ZSWIM6: variants seen among roughly 807,000 people sequenced by gnomAD.
ZSWIM6 encodes zinc finger SWIM domain-containing protein 6.
In ZSWIM6, 9 loss-of-function variants were observed where a neutral mutation model predicts 113.2. That is an observed-to-expected ratio of 0.08 (90% confidence interval 0.05 to 0.14). The LOEUF (loss-of-function observed/expected upper bound fraction) is 0.14, where lower values mean the gene tolerates loss of function less well. Ranked by LOEUF, ZSWIM6 falls within the 10% of genes least tolerant of loss-of-function variation. The probability of loss-of-function intolerance (pLI) is 1.00; values close to 1 mark genes in which losing one functional copy is unlikely to be tolerated. For missense variants in ZSWIM6, 1,162 were observed against 1,552.2 expected, an observed-to-expected ratio of 0.75 and a Z score of 4.22; for synonymous variants, 611 against 606.5, an observed-to-expected ratio of 1.01 and a Z score of -0.11.
intron 1 of ZSWIM6, among the ~76,000 whole-genome samples, chr5:61,439,748 G>A (rs1387894108): frequency 6.6e-6 from 1 of 152,090 alleles, no homozygotes; most frequent in Non-Finnish European, 1.5e-5. Flanking sequence ...TATATATCTA[G>A]GAATGGAATC....
chr5:61,539,817 T>TAG, intron 12 of ZSWIM6, 58 bp downstream of exon 12: 1 of 1,476,054 alleles, frequency 6.8e-7, no homozygotes, highest in Non-Finnish European at 9.0e-7. Context: ...AGGCACCTCT[T>TAG]AGGGTTGTTT....
At chr5:61,375,813 G>T in intron 1 of ZSWIM6, 1 of 1,234,478 alleles carries the variant, frequency 8.1e-7, no homozygotes, top group Middle Eastern at 2.7e-4. Flanking sequence ...ACAGTAAGAA[G>T]AAGAAAAAGA....
At chr5:61,335,486 A>G (rs1744372699) in intron 1 of ZSWIM6, among the ~76,000 whole-genome samples, 1 of 152,238 alleles carries the variant, frequency 6.6e-6, no homozygotes, top group South Asian at 2.1e-4. Context: ...GGCTAGATTA[A>G]CCATTTAATT....
chr5:61,443,763 C>T (rs925796726), intron 1 of ZSWIM6, among the ~76,000 whole-genome samples: 14 of 152,220 alleles, frequency 9.2e-5, no homozygotes, highest in African/African-American at 3.1e-4. Flanking sequence ...CTCCTTCCTA[C>T]ATTTTTTCCC....
At chr5:61,373,577 T>A (rs1439679257) in intron 1 of ZSWIM6, among the ~76,000 whole-genome samples, 1 of 152,160 alleles carries the variant, frequency 6.6e-6, no homozygotes, top group Non-Finnish European at 1.5e-5. Context: ...ACTTATTTTC[T>A]CTATTTCCAC....
chr5:61,498,048 GC>G (rs1247677202), intron 4 of ZSWIM6, among the ~76,000 whole-genome samples: 1 of 152,048 alleles, frequency 6.6e-6, no homozygotes, highest in African/African-American at 2.4e-5. Flanking sequence ...TGTGTTGATG[GC>G]TCTCTTTTCT....
At chr5:61,383,924 A>G (rs1745538669) in intron 1 of ZSWIM6, among the ~76,000 whole-genome samples, 1 of 151,716 alleles carries the variant, frequency 6.6e-6, no homozygotes, top group South Asian at 2.1e-4. Flanking sequence ...AAAACAAAAA[A>G]CTTATGCTAA....
intron 1 of ZSWIM6, among the ~76,000 whole-genome samples, chr5:61,413,639 A>G (rs1463669088): frequency 5.9e-5 from 9 of 152,146 alleles, no homozygotes; most frequent in Non-Finnish European, 1.3e-4. Context: ...AGTCCCACCA[A>G]CAGTGTAAAA....
chr5:61,418,257 G>GATTT (rs983217555), intron 1 of ZSWIM6, among the ~76,000 whole-genome samples: 49 of 152,094 alleles, frequency 3.2e-4, no homozygotes, highest in East Asian at 2.3e-3. Flanking sequence ...ACTAGTCTAT[G>GATTT]ATTTATTTAT....
intron 12 of ZSWIM6, among the ~76,000 whole-genome samples, chr5:61,540,920 T>G (rs1287990420): frequency 9.7e-6 from 1 of 103,384 alleles, no homozygotes; most frequent in Admixed American, 9.7e-5. Flanking sequence ...TTGTGGGTTT[T>G]TTTTTTTTTT....
At chr5:61,411,603 A>G (rs966747882) in intron 1 of ZSWIM6, among the ~76,000 whole-genome samples, 1 of 152,238 alleles carries the variant, frequency 6.6e-6, no homozygotes, top group Non-Finnish European at 1.5e-5. Context: ...TTTAACCAGT[A>G]GCTTATAAAC....
intron 1 of ZSWIM6, among the ~76,000 whole-genome samples, chr5:61,442,652 C>G (rs947056892): frequency 6.6e-6 from 1 of 152,206 alleles, no homozygotes; most frequent in Non-Finnish European, 1.5e-5. Flanking sequence ...TTGCTGGAAC[C>G]TATCACAAGG....
chr5:61,423,203 T>G (rs1056116764), intron 1 of ZSWIM6, among the ~76,000 whole-genome samples: 2 of 152,000 alleles, frequency 1.3e-5, no homozygotes, highest in African/African-American at 4.8e-5. Context: ...GGTCAGGAGT[T>G]TGAGACCAGC....
At chr5:61,505,599 TTACC>T (rs1371975487) in intron 4 of ZSWIM6, among the ~76,000 whole-genome samples, 12,200 of 119,796 alleles carry the variant, frequency 0.1, 2,634 homozygotes, top group Non-Finnish European at 0.11. Context: ...TATCTATGAT[TTACC>T]TTCCTTCCTT....
intron 1 of ZSWIM6, among the ~76,000 whole-genome samples, chr5:61,444,257 T>C (rs937757290): frequency 5.9e-5 from 9 of 151,860 alleles, no homozygotes; most frequent in Non-Finnish European, 1.3e-4. Context: ...TTCATCCATG[T>C]CCCTACAAAG....
intron 1 of ZSWIM6, among the ~76,000 whole-genome samples, chr5:61,427,741 A>G (rs1013243704): frequency 3.9e-5 from 6 of 151,998 alleles, no homozygotes; most frequent in African/African-American, 1.5e-4. Flanking sequence ...TTAGCCTCCC[A>G]AAGTGCTGAC....
At chr5:61,339,804 C>G (rs545862106) in intron 1 of ZSWIM6, among the ~76,000 whole-genome samples, 1 of 152,112 alleles carries the variant, frequency 6.6e-6, no homozygotes, top group African/African-American at 2.4e-5. Flanking sequence ...AGTGCTTTGT[C>G]ACAACAAAAA....
intron 1 of ZSWIM6, among the ~76,000 whole-genome samples, chr5:61,392,234 G>C (rs973655405): frequency 7.2e-5 from 11 of 152,178 alleles, no homozygotes; most frequent in African/African-American, 2.7e-4. Context: ...TAGTATTGGA[G>C]AAAGACGGAA....
chr5:61,481,317 C>T (rs551832710), intron 2 of ZSWIM6, among the ~76,000 whole-genome samples: 57 of 152,240 alleles, frequency 3.7e-4, no homozygotes, highest in African/African-American at 1.3e-3. Flanking sequence ...TGATATCTAA[C>T]ACCTATAAGT....
Sources: gnomAD v4.1 joint callset for allele counts (sites outside exome capture counted in the v4.1 genomes callset) on GRCh38, gnomAD v4.1.1 for gene constraint, MANE v1.5 for transcripts, NCBI Gene and HGNC (gene_info 2026-07-23, HGNC 2026-07-21) for gene names.